The following NAV2 variants were observed in gnomAD, a reference collection of about 807,000 sequenced individuals.
NAV2 encodes helicase, APC down-regulated 1.
NAV2 carries 54 observed loss-of-function variants against 223.2 expected under a neutral mutation model. The observed-to-expected ratio is 0.24, with a 90% CI of 0.19 to 0.30. NAV2 has a LOEUF of 0.30. Among genes scored for constraint, NAV2 ranks in the 10% least tolerant of loss-of-function variants. The pLI, the probability that NAV2 is intolerant of heterozygous loss-of-function variation, is 1.00. For missense variants in NAV2, 2,806 were observed against 3,147.5 expected, an observed-to-expected ratio of 0.89 and a Z score of 2.60; for synonymous variants, 1,279 against 1,239.3, an observed-to-expected ratio of 1.03 and a Z score of -0.67.
chr11:19,480,727 A>G (rs2042252697), intron 1 of NAV2, among the ~76,000 whole-genome samples: 1 of 152,222 alleles, frequency 6.6e-6, no homozygotes, highest in Admixed American at 6.5e-5. Flanking sequence ...CTCCTCATGC[A>G]GAATTGATTT....
intron 17 of NAV2, among the ~76,000 whole-genome samples, chr11:20,053,351 C>T (rs1256167811): frequency 6.6e-6 from 1 of 151,746 alleles, no homozygotes; most frequent in Non-Finnish European, 1.5e-5. Flanking sequence ...GGGTTCTTAC[C>T]TTCCCTGAAT....
intron 10 of NAV2, among the ~76,000 whole-genome samples, chr11:19,963,119 G>T (rs922082807): frequency 2.6e-5 from 4 of 152,236 alleles, no homozygotes; most frequent in Non-Finnish European, 5.9e-5. Flanking sequence ...CTTTCTGCCA[G>T]TCCTGCTGTG....
In NAV2 at chr11:20,105,561, T is replaced by C. The variant is rs1174232829; in HGVS notation, c.6675T>C (p.Pro2225=). Residue 2225 remains proline, a synonymous_variant, in exon 35 of 38, where the codon CCT becomes CCC. Coordinates refer to ENST00000349880, the MANE Select transcript of NAV2 (RefSeq NM_145117.5). Reference sequence around the variant, plus strand: ...TGCTTTGTGCCAACCACACGGAGCCTGTGAAGGGTTTCCTTGGCCGATTCC... The same window carrying C: ...TGCTTTGTGCCAACCACACGGAGCCCGTGAAGGGTTTCCTTGGCCGATTCC... The part of the protein sequence containing the change: ...RWVLCANHTE[P]VKGFLGRFLR... 14 of 1,613,942 alleles carry C rather than the reference T, an allele frequency of 8.7e-6. No individual in the cohort carries two copies. Among genetic ancestry groups the C allele is most frequent in the Non-Finnish European group, 1.2e-5 (14 of 1,179,984 alleles).
intron 1 of NAV2, among the ~76,000 whole-genome samples, chr11:19,522,718 C>T (rs2043705054): frequency 6.6e-6 from 1 of 152,216 alleles, no homozygotes; most frequent in Non-Finnish European, 1.5e-5. Context: ...GGAGAAAAAT[C>T]ATGACACTTC....
chr11:19,875,083 G>A (rs2062756245), intron 4 of NAV2, among the ~76,000 whole-genome samples: 1 of 152,156 alleles, frequency 6.6e-6, no homozygotes, highest in African/African-American at 2.4e-5. Context: ...CTTGAATCCA[G>A]GAGGCAGAGG....
At position 19,998,054 on chromosome 11, in the gene NAV2, T is replaced by C. The variant is rs2052098965; in HGVS notation, c.2768+13807T>C. Among the ~76,000 whole-genome samples, 1 of 152,066 alleles carries C rather than the reference T, an allele frequency of 6.6e-6. No individual in the cohort carries two copies. Among genetic ancestry groups the C allele is most frequent in the Admixed American group, 6.5e-5 (1 of 15,270 alleles). ...TGAGAGGAAGGAAGCAGAACAAAAGTGTGTTTTTCTCAGCATTCCCAGGCT... is the reference window on the plus strand; with the variant it reads ...TGAGAGGAAGGAAGCAGAACAAAAGCGTGTTTTTCTCAGCATTCCCAGGCT... On this transcript the variant is annotated intron_variant, in intron 11 of 37. Coordinates refer to ENST00000349880, the MANE Select transcript of NAV2 (RefSeq NM_145117.5). This position sits in a 1 kb window ranked among gnomAD's most constrained non-coding sequence, Gnocchi z 5.0.
chr11:20,106,509 G>A (rs2062119402), intron 35 of NAV2, among the ~76,000 whole-genome samples: 4 of 134,732 alleles, frequency 3.0e-5, no homozygotes, highest in Non-Finnish European at 6.2e-5. Context: ...GCTGTGAGCC[G>A]AGATTGCGCC....
intron 6 of NAV2, among the ~76,000 whole-genome samples, chr11:19,910,094 A>G (rs993036404): frequency 1.3e-5 from 2 of 152,130 alleles, no homozygotes; most frequent in African/African-American, 2.4e-5. Context: ...TCACATCACT[A>G]CTAGGAAGTG....
At chr11:19,479,300 G>A (rs947551248) in intron 1 of NAV2, among the ~76,000 whole-genome samples, 1 of 152,114 alleles carries the variant, frequency 6.6e-6, no homozygotes, top group South Asian at 2.1e-4. Context: ...TCCTCAACTC[G>A]TAACAGAATT....
At chr11:19,554,784 T>C (rs1316910509) in intron 1 of NAV2, among the ~76,000 whole-genome samples, 2 of 151,988 alleles carry the variant, frequency 1.3e-5, no homozygotes, top group African/African-American at 2.4e-5. Context: ...CTGACCAACA[T>C]GGAGAAACCC....
intron 1 of NAV2, among the ~76,000 whole-genome samples, chr11:19,782,715 C>T (rs550867810): frequency 6.6e-6 from 1 of 151,954 alleles, no homozygotes; most frequent in Admixed American, 6.6e-5. Flanking sequence ...CTTTTTGATT[C>T]AGAGATTGTT....
intron 1 of NAV2, among the ~76,000 whole-genome samples, chr11:19,480,199 G>A (rs1252423133): frequency 2.0e-5 from 3 of 152,120 alleles, no homozygotes; most frequent in Non-Finnish European, 4.4e-5. Context: ...ACTTCTCAGA[G>A]CCCTTAACCT....
chr11:19,948,955 T>C lies in NAV2; in HGVS notation c.2520T>C (p.His840=), dbSNP rs11025335. ...QLASRGSSVC[H]VDVSDKAGDE... ...CCTCCCGGGGCAGTAGTGTCTGCCA[T>C]GTGGACGTCTCAGACAAGGCAGGAG... The change falls in exon 10 of 38, where the codon CAT becomes CAC. Residue 840 remains histidine (H), a synonymous_variant. Transcript: ENST00000349880. The C allele has an allele frequency of 0.23, 377,009 of 1,613,894 alleles. 47,743 individuals are homozygous for C. Among genetic ancestry groups the C allele is most frequent in the East Asian group, 0.45 (20,224 of 44,834 alleles).
intron 1 of NAV2, among the ~76,000 whole-genome samples, chr11:19,374,442 G>A (rs553352082): frequency 1.3e-4 from 20 of 151,680 alleles, no homozygotes; most frequent in African/African-American, 4.8e-4. Context: ...TTGACTGGAT[G>A]GTCACATGGC....
At chr11:19,708,229 T>C (rs11025216), upstream of NAV2, among the ~76,000 whole-genome samples, 1,572 of 152,264 alleles carry the variant, frequency 0.01, 27 homozygotes, top group African/African-American at 0.036. Flanking sequence ...CAGTATGAGA[T>C]GGGTGGCCTC....
intron 11 of NAV2, among the ~76,000 whole-genome samples, chr11:20,020,798 C>T (rs892788532): frequency 2.0e-5 from 3 of 152,308 alleles, no homozygotes; most frequent in Non-Finnish European, 2.9e-5. Flanking sequence ...AAGCTGCTTA[C>T]GCTGACTTGC....
intron 1 of NAV2, among the ~76,000 whole-genome samples, chr11:19,714,693 C>A (rs1212473485): frequency 6.6e-6 from 1 of 152,102 alleles, no homozygotes; most frequent in African/African-American, 2.4e-5. Context: ...GTGTTGGTAG[C>A]CCGAGTGACG....
intron 1 of NAV2, among the ~76,000 whole-genome samples, chr11:19,815,074 C>A (rs376539595): frequency 1.7e-4 from 26 of 152,280 alleles, no homozygotes; most frequent in African/African-American, 5.8e-4. Flanking sequence ...AGCAGATATT[C>A]TGTGTGGCCC....
chr11:20,107,749 C>T lies in NAV2; in HGVS notation c.6927C>T (p.Pro2309=). 1 of 1,614,122 alleles carries T rather than the reference C, an allele frequency of 6.2e-7. No individual in the cohort carries two copies. Among genetic ancestry groups the T allele is most frequent in the African/African-American group, 1.3e-5 (1 of 75,064 alleles). The change falls in exon 36 of 38, where the codon CCC becomes CCT. Residue 2309 remains proline (P), a synonymous_variant. Transcript: ENST00000349880. ...FTDLWNYSII[P]YLLEAVREGL... is the part of the protein sequence containing the mutation. ...ACTTGTGGAACTATTCCATTATCCC[C>T]TATCTCCTGGAAGCCGTCAGAGAAG...
Sources: allele counts gnomAD v4.1 joint callset (sites outside exome capture counted in the v4.1 genomes callset), GRCh38; gene constraint gnomAD v4.1.1; non-coding constraint Gnocchi (gnomAD v3.1); transcripts MANE v1.5; gene names NCBI Gene and HGNC (gene_info 2026-07-23, HGNC 2026-07-21).